LRRC4C: variants seen among roughly 807,000 people sequenced by gnomAD.
The protein encoded by LRRC4C is leucine-rich repeat-containing protein 4C.
A neutral mutation model predicts 33.6 loss-of-function variants in LRRC4C; 5 were observed. That is an observed-to-expected ratio of 0.15 (90% CI 0.08 to 0.31). The LOEUF is 0.31. LRRC4C is among the 10% of genes least tolerant of loss of function. The pLI is 1.00. For missense variants in LRRC4C, 560 were observed against 796.7 expected, an observed-to-expected ratio of 0.70 and a Z score of 3.58; for synonymous variants, 329 against 302.0, an observed-to-expected ratio of 1.09 and a Z score of -0.93.
At chr11:40,415,417 G>A (rs1950292625) in intron 3 of LRRC4C, among the ~76,000 whole-genome samples, 1 of 152,176 alleles carries the variant, frequency 6.6e-6, no homozygotes, top group Non-Finnish European at 1.5e-5. Context: ...AGATAGTGCA[G>A]TATGAGTGTC....
intron 3 of LRRC4C, among the ~76,000 whole-genome samples, chr11:40,587,323 T>C (rs1282137376): frequency 7.1e-6 from 1 of 141,576 alleles, no homozygotes. Context: ...GTACATTGAT[T>C]TTGTATCCTG....
intron 3 of LRRC4C, among the ~76,000 whole-genome samples, chr11:40,482,103 T>C (rs1953600690): frequency 6.6e-6 from 1 of 152,218 alleles, no homozygotes; most frequent in Admixed American, 6.5e-5. Context: ...AAATTTCACT[T>C]GTTAGTTTGG....
chr11:41,154,091 G>C (rs1944120055), intron 1 of LRRC4C, among the ~76,000 whole-genome samples: 1 of 152,134 alleles, frequency 6.6e-6, no homozygotes, highest in South Asian at 2.1e-4. Context: ...CTGGCCTCCA[G>C]AACTATAAGA....
chr11:40,200,343 G>A (rs1302748563), intron 5 of LRRC4C, among the ~76,000 whole-genome samples: 6 of 151,732 alleles, frequency 4.0e-5, no homozygotes, highest in Middle Eastern at 3.4e-3. Flanking sequence ...CAGCCTGGGC[G>A]ACAGAGCGAG....
intron 3 of LRRC4C, among the ~76,000 whole-genome samples, chr11:40,554,363 T>G (rs900572177): frequency 6.6e-6 from 1 of 152,186 alleles, no homozygotes; most frequent in African/African-American, 2.4e-5. Flanking sequence ...CATGCTGTAG[T>G]CTTGTAGTGT....
At chr11:41,107,321 T>C (rs1050726508) in intron 1 of LRRC4C, among the ~76,000 whole-genome samples, 14 of 152,112 alleles carry the variant, frequency 9.2e-5, no homozygotes, top group Non-Finnish European at 1.8e-4. Context: ...AGTTTTGCTA[T>C]TGATCTTTTT....
At chr11:41,267,471 G>A (rs1345976513) in intron 1 of LRRC4C, among the ~76,000 whole-genome samples, 1 of 152,114 alleles carries the variant, frequency 6.6e-6, no homozygotes, top group Non-Finnish European at 1.5e-5. Context: ...CATATTTATT[G>A]CAGGACTGTT....
At chr11:40,821,875 AT>A (rs986280823) in intron 2 of LRRC4C, among the ~76,000 whole-genome samples, 128 of 151,738 alleles carry the variant, frequency 8.4e-4, no homozygotes, top group Non-Finnish European at 4.4e-4. Flanking sequence ...TGGTCAAATG[AT>A]TTTTTTATTG....
intron 1 of LRRC4C, among the ~76,000 whole-genome samples, chr11:41,048,264 T>G (rs1187005739): frequency 8.6e-6 from 1 of 116,276 alleles, no homozygotes; most frequent in Non-Finnish European, 1.8e-5. Flanking sequence ...TCTTTACTTT[T>G]TTTTTTTTTT....
chr11:40,186,744 C>T (rs1329836492), intron 5 of LRRC4C, among the ~76,000 whole-genome samples: 8 of 152,170 alleles, frequency 5.3e-5, no homozygotes, highest in Admixed American at 5.2e-4. Context: ...CACATCACTG[C>T]CAGGGGAAGG....
chr11:41,298,443 C>T (rs1319200698), intron 1 of LRRC4C, among the ~76,000 whole-genome samples: 1 of 151,732 alleles, frequency 6.6e-6, no homozygotes, highest in African/African-American at 2.4e-5. Context: ...TGGATACTCA[C>T]CACCTGTAAG....
chr11:40,486,716 A>G (rs1009334202), intron 3 of LRRC4C, among the ~76,000 whole-genome samples: 1 of 152,098 alleles, frequency 6.6e-6, no homozygotes, highest in Non-Finnish European at 1.5e-5. Context: ...GGTTAAGATT[A>G]GAGTAGTAAA....
chr11:40,191,645 T>C (rs892463784), intron 5 of LRRC4C, among the ~76,000 whole-genome samples: 2 of 152,134 alleles, frequency 1.3e-5, no homozygotes, highest in Non-Finnish European at 2.9e-5. Flanking sequence ...TTCTCTAAAG[T>C]TTTTAATAAT....
chr11:40,492,696 T>C (rs1157074850), intron 3 of LRRC4C, among the ~76,000 whole-genome samples: 1 of 152,134 alleles, frequency 6.6e-6, no homozygotes, highest in African/African-American at 2.4e-5. Context: ...TTTAGGTATG[T>C]ACCTCACAAA....
At chr11:40,677,287 G>C (rs191309257) in intron 2 of LRRC4C, among the ~76,000 whole-genome samples, 1 of 152,226 alleles carries the variant, frequency 6.6e-6, no homozygotes, top group Non-Finnish European at 1.5e-5. Flanking sequence ...TTGGGAGGCT[G>C]AGGCAGGAGA....
chr11:41,149,885 T>C (rs1293773400), intron 1 of LRRC4C, among the ~76,000 whole-genome samples: 1 of 152,204 alleles, frequency 6.6e-6, no homozygotes, highest in East Asian at 1.9e-4. Context: ...TAAAATTTGC[T>C]ATTTCTCTGT....
chr11:41,158,100 T>C (rs905306576), intron 1 of LRRC4C, among the ~76,000 whole-genome samples: 6 of 152,020 alleles, frequency 3.9e-5, no homozygotes, highest in African/African-American at 1.4e-4. Context: ...TTCTCACGAG[T>C]TAACACTTTT....
intron 3 of LRRC4C, among the ~76,000 whole-genome samples, chr11:40,361,093 C>T (rs1195350311): frequency 6.6e-6 from 1 of 152,096 alleles, no homozygotes; most frequent in Non-Finnish European, 1.5e-5. Flanking sequence ...AAGGAACATA[C>T]ATCAAAATAA....
intron 1 of LRRC4C, among the ~76,000 whole-genome samples, chr11:40,957,771 T>G (rs1462227): frequency 6.6e-6 from 1 of 151,482 alleles, no homozygotes; most frequent in East Asian, 1.9e-4. Flanking sequence ...GCAAATCTAC[T>G]GGGGGATGAG....
Sources: allele counts gnomAD v4.1 joint callset (sites outside exome capture counted in the v4.1 genomes callset), GRCh38; gene constraint gnomAD v4.1.1; transcripts MANE v1.5; gene names NCBI Gene and HGNC (gene_info 2026-07-23, HGNC 2026-07-21).